Variants in SLC30A9 observed in about 807,000 individuals in gnomAD.
The protein encoded by SLC30A9 is proton-coupled zinc antiporter SLC30A9, mitochondrial.
In SLC30A9, 58 loss-of-function variants were observed where a neutral mutation model predicts 87.5. The ratio of observed to expected loss-of-function variants is 0.66; its 90% CI spans 0.54 to 0.82. The LOEUF is 0.82. Ranked by LOEUF, SLC30A9 falls within the 40% of genes least tolerant of loss-of-function variation. The probability of loss-of-function intolerance (pLI) is 0.00; values close to 1 mark genes in which losing one functional copy is unlikely to be tolerated. For synonymous variants in SLC30A9, 234 were observed against 233.0 expected (o/e 1.00, Z -0.04); for missense variants, 557 against 679.1 (o/e 0.82, Z 2.00).
chr4:42,067,187 T>G lies in SLC30A9; in HGVS notation c.1247T>G (p.Ile416Arg). The stretch of plus-strand genomic sequence containing the variant: ...GCCACTTGCATGGGCCTTACTTCTA[T>G]AACAGGTAAATATTCCTTAAATTAC... ...IAATCMGLTS[I>R]TGNPLYDSLG... The change falls in exon 14 of 18, where the codon ATA (isoleucine) becomes AGA (arginine). Residue 416 changes from isoleucine to arginine, a missense_variant. Physicochemically the swap from Ile to Arg is moderately conservative, Grantham distance 97. Around this residue, in one of 2 missense-constraint regions of SLC30A9, gnomAD observed 467 missense variants for 529.8 expected, o/e 0.88. Transcript: ENST00000264451. 3 of 1,561,160 alleles carry G rather than the reference T, an allele frequency of 1.9e-6. No individual in the cohort carries two copies. Among genetic ancestry groups the G allele is most frequent in the Non-Finnish European group, 2.6e-6 (3 of 1,132,256 alleles).
chr4:42,079,490 C>T (rs1245782126), intron 17 of SLC30A9, among the ~76,000 whole-genome samples: 2 of 151,920 alleles, frequency 1.3e-5, no homozygotes, highest in African/African-American at 4.8e-5. Flanking sequence ...GATGAGGTTT[C>T]ACCATGTTGG....
chr4:42,075,833 G>A, intron 16 of SLC30A9, 47 bp downstream of exon 16: 1 of 1,562,446 alleles, frequency 6.4e-7, no homozygotes, highest in Non-Finnish European at 8.7e-7. Flanking sequence ...TTAGAAAAAT[G>A]CTTTTAAGGT....
chr4:42,056,025 T>C (rs1181379310), intron 9 of SLC30A9, among the ~76,000 whole-genome samples: 1 of 152,148 alleles, frequency 6.6e-6, no homozygotes, highest in Non-Finnish European at 1.5e-5. Flanking sequence ...ACATATCAAA[T>C]ATAACTGTGA....
chr4:42,071,320 C>T lies in SLC30A9; in HGVS notation c.1418+629C>T, dbSNP rs545071539. 5.3e-5 allele frequency among the ~76,000 whole-genome samples: 8 copies of T among 152,112 alleles called. No homozygotes were observed. The South Asian group carries it at 8.3e-4, about 16-fold the overall frequency. ...TTAAAAACCCAGTTTTCTACTAACT[C>T]GCTCTATATTTTTTCAAACTTTAAA... is the stretch of plus-strand genomic sequence containing the variant. On this transcript the variant is annotated intron_variant, in intron 15 of 17. Coordinates refer to ENST00000264451, the MANE Select transcript of SLC30A9 (RefSeq NM_006345.4).
chr4:42,076,916 C>G (rs965292008), intron 16 of SLC30A9, among the ~76,000 whole-genome samples: 1 of 148,990 alleles, frequency 6.7e-6, no homozygotes, highest in African/African-American at 2.5e-5. Context: ...GAGCCTAGAT[C>G]GTGCCACTGC....
intron 1 of SLC30A9, among the ~76,000 whole-genome samples, chr4:41,999,688 A>G (rs568056202): frequency 6.6e-6 from 1 of 152,262 alleles, no homozygotes; most frequent in African/African-American, 2.4e-5. Flanking sequence ...CAGTTAAAAA[A>G]AAAAAAGACA....
intron 4 of SLC30A9, among the ~76,000 whole-genome samples, chr4:42,022,061 G>A (rs1182653565): frequency 1.4e-5 from 1 of 72,122 alleles, no homozygotes; most frequent in Admixed American, 1.9e-4. Flanking sequence ...TCAGCCTCCC[G>A]AGTAGCTGGG....
At chr4:42,029,208 C>T (rs1716316574) in intron 6 of SLC30A9, 1 of 407,160 alleles carries the variant, frequency 2.5e-6, no homozygotes, top group Non-Finnish European at 4.9e-6. Flanking sequence ...CCGCTGTTGC[C>T]ATGACCTGCA....
chr4:42,016,434 A>G (rs1715722601), intron 2 of SLC30A9, among the ~76,000 whole-genome samples: 2 of 152,110 alleles, frequency 1.3e-5, no homozygotes, highest in South Asian at 4.1e-4. Context: ...CATTTGTCCT[A>G]TGTATCCATG....
chr4:42,063,741 TA>T (rs1717967028), intron 11 of SLC30A9, among the ~76,000 whole-genome samples: 1 of 152,190 alleles, frequency 6.6e-6, no homozygotes, highest in African/African-American at 2.4e-5. Context: ...TGTAGATGTT[TA>T]AAACTGTCTT....
chr4:42,071,021 G>A (rs1577721047), intron 15 of SLC30A9, among the ~76,000 whole-genome samples: 1 of 151,982 alleles, frequency 6.6e-6, no homozygotes, highest in Non-Finnish European at 1.5e-5. Context: ...TATTCGCATT[G>A]CAATTACAAA....
chr4:42,039,136 G>A (rs1176433474), intron 8 of SLC30A9, 83 bp downstream of exon 8: 2 of 1,006,230 alleles, frequency 2.0e-6, no homozygotes, highest in African/African-American at 1.6e-5. Context: ...TTTATTACAT[G>A]GTAGCTAGCT....
At chr4:41,991,155 A>C (rs1446633966) in intron 1 of SLC30A9, among the ~76,000 whole-genome samples, 1 of 152,238 alleles carries the variant, frequency 6.6e-6, no homozygotes, top group Non-Finnish European at 1.5e-5. Context: ...TTCATTTAGC[A>C]CTTGGTTGAG....
In SLC30A9 at chr4:42,073,397, A is replaced by G. The variant is rs184583686; in HGVS notation, c.1419-2260A>G. On this transcript the variant is annotated intron_variant, in intron 15 of 17. Coordinates refer to ENST00000264451, the MANE Select transcript of SLC30A9 (RefSeq NM_006345.4). ...GGAAGAGTGAATATCTGTGGATTCA[A>G]TTATTGGAAAAAATACGTTAGTAAT... 1.4e-4 allele frequency among the ~76,000 whole-genome samples: 21 copies of G among 152,348 alleles called. No individual in the cohort carries two copies. In the East Asian group the frequency reaches 3.7e-3, roughly 27 times the overall value.
chr4:41,999,828 A>T (rs935925254), intron 1 of SLC30A9, among the ~76,000 whole-genome samples: 1 of 152,152 alleles, frequency 6.6e-6, no homozygotes, highest in Non-Finnish European at 1.5e-5. Context: ...TGAAATTGAG[A>T]ATATTTGATA....
intron 13 of SLC30A9, 62 bp from the exon 14 acceptor site, chr4:42,067,023 C>A: frequency 2.2e-6 from 2 of 902,644 alleles, no homozygotes; most frequent in Non-Finnish European, 3.7e-6. Context: ...TAAAATGTTA[C>A]CTGATAGTAT....
At position 42,086,249 on chromosome 4, in the gene SLC30A9, TGAAG is replaced by T; in HGVS notation, c.*127_*130del. On this transcript the variant is annotated 3_prime_UTR_variant, in exon 18 of 18. Coordinates refer to ENST00000264451, the MANE Select transcript of SLC30A9 (RefSeq NM_006345.4). ...CCATGCAGAAGCCTTTTTTTTAAGA[TGAAG>T]GAAATATTTTATGTAAAGAGCAACT... The T allele has an allele frequency of 2.0e-6, 1 of 499,376 alleles. No homozygotes were observed. Among genetic ancestry groups the T allele is most frequent in the South Asian group, 4.7e-5 (1 of 21,432 alleles). 30.9% of individuals were successfully genotyped at this position (499,376 alleles called of 1,614,324 possible).
chr4:42,000,858 A>G (rs926161284), intron 1 of SLC30A9, among the ~76,000 whole-genome samples: 1 of 152,086 alleles, frequency 6.6e-6, no homozygotes, highest in Admixed American at 6.6e-5. Context: ...AAACTTTACA[A>G]AATATATGAA....
intron 6 of SLC30A9, among the ~76,000 whole-genome samples, chr4:42,027,232 T>G (rs1456640218): frequency 6.6e-6 from 1 of 152,216 alleles, no homozygotes; most frequent in Non-Finnish European, 1.5e-5. Flanking sequence ...AGATGAAAAT[T>G]AAATGAAATT....
Sources: allele counts gnomAD v4.1 joint callset (sites outside exome capture counted in the v4.1 genomes callset), GRCh38; gene constraint gnomAD v4.1.1; regional missense constraint gnomAD v4.1.1; transcripts MANE v1.5; gene names NCBI Gene and HGNC (gene_info 2026-07-23, HGNC 2026-07-21).